Variants in ZNF385B observed in about 807,000 individuals in gnomAD.
ZNF385B encodes the protein zinc finger protein 385B.
A neutral mutation model predicts 39.2 loss-of-function variants in ZNF385B; 23 were observed. That is an observed-to-expected ratio of 0.59 (90% CI 0.42 to 0.83). ZNF385B has a LOEUF of 0.83. Ranked by LOEUF, ZNF385B falls within the 40% of genes least tolerant of loss-of-function variation. ZNF385B has a pLI of 0.00. For missense variants in ZNF385B, 552 were observed against 598.9 expected, an observed-to-expected ratio of 0.92 and a Z score of 0.82; for synonymous variants, 205 against 222.6, an observed-to-expected ratio of 0.92 and a Z score of 0.70.
intron 3 of ZNF385B, among the ~76,000 whole-genome samples, chr2:179,638,504 C>G (rs1356252040): frequency 6.6e-6 from 1 of 151,994 alleles, no homozygotes; most frequent in African/African-American, 2.4e-5. Context: ...TGTGGTGTAC[C>G]AGGATTCTTA....
intron 5 of ZNF385B, among the ~76,000 whole-genome samples, chr2:179,511,374 T>C (rs1040395115): frequency 6.6e-6 from 1 of 152,162 alleles, no homozygotes; most frequent in Admixed American, 6.5e-5. Flanking sequence ...AAATATGAGT[T>C]GGTATTGTAT....
At chr2:179,834,785 A>G (rs958279040) in intron 1 of ZNF385B, among the ~76,000 whole-genome samples, 7 of 152,338 alleles carry the variant, frequency 4.6e-5, no homozygotes, top group African/African-American at 1.7e-4. Context: ...ACCTTTACCA[A>G]ATAATCAAGT....
intron 6 of ZNF385B, among the ~76,000 whole-genome samples, chr2:179,479,838 C>CA (rs990450311): frequency 1.3e-5 from 2 of 151,850 alleles, no homozygotes; most frequent in Admixed American, 6.6e-5. Context: ...GACTCTGTCT[C>CA]AAAAAAATAA....
At chr2:179,629,767 G>C (rs1691021534) in intron 3 of ZNF385B, among the ~76,000 whole-genome samples, 1 of 152,186 alleles carries the variant, frequency 6.6e-6, no homozygotes, top group African/African-American at 2.4e-5. Flanking sequence ...TCCTAGCCAA[G>C]GGAAGCCGTC....
intron 5 of ZNF385B, among the ~76,000 whole-genome samples, chr2:179,510,949 A>G (rs1157816263): frequency 6.6e-6 from 1 of 152,244 alleles, no homozygotes; most frequent in African/African-American, 2.4e-5. Flanking sequence ...AGAATGTTAC[A>G]TAATGACAAA....
chr2:179,456,800 C>A (rs2050753454), intron 6 of ZNF385B, among the ~76,000 whole-genome samples: 1 of 152,148 alleles, frequency 6.6e-6, no homozygotes, highest in Non-Finnish European at 1.5e-5. Context: ...TGAGCACTCA[C>A]TATAGACCAA....
At chr2:179,538,129 G>A (rs967401395) in intron 4 of ZNF385B, among the ~76,000 whole-genome samples, 4 of 152,026 alleles carry the variant, frequency 2.6e-5, no homozygotes, top group African/African-American at 9.7e-5. Flanking sequence ...AAATGTGTCA[G>A]TTCAAGCAGA....
chr2:179,681,325 G>T (rs1425051189), intron 3 of ZNF385B, among the ~76,000 whole-genome samples: 1 of 151,918 alleles, frequency 6.6e-6, no homozygotes, highest in African/African-American at 2.4e-5. Context: ...TTCTGTTTTG[G>T]ACGCTCTTTT....
chr2:179,590,877 G>A (rs1290210768), intron 3 of ZNF385B, among the ~76,000 whole-genome samples: 1 of 152,092 alleles, frequency 6.6e-6, no homozygotes, highest in Non-Finnish European at 1.5e-5. Context: ...CCACCATGTG[G>A]AACTGAGTCA....
chr2:179,710,462 C>T (rs1485292717), intron 3 of ZNF385B, among the ~76,000 whole-genome samples: 3 of 152,156 alleles, frequency 2.0e-5, no homozygotes, highest in Admixed American at 6.5e-5. Context: ...TCCTACTCCC[C>T]GTCGTACGAT....
chr2:179,748,213 C>T (rs542657281), intron 3 of ZNF385B, among the ~76,000 whole-genome samples: 15 of 151,706 alleles, frequency 9.9e-5, no homozygotes, highest in Middle Eastern at 3.2e-3. Context: ...CAATAATGCA[C>T]GATGACAAAA....
At position 179,531,232 on chromosome 2, in the gene ZNF385B, G is replaced by A. The variant is rs894044700; in HGVS notation, c.442-12594C>T. ...AGCAAGTAATAATATAAGATGTCCAGTTAAAGTGGAATTTTAGGGGTAAAC... is the reference window on the plus strand; with the variant it reads ...AGCAAGTAATAATATAAGATGTCCAATTAAAGTGGAATTTTAGGGGTAAAC... On this transcript the variant is annotated intron_variant, in intron 4 of 9. Transcript: ENST00000410066. 2.0e-5 allele frequency among the ~76,000 whole-genome samples: 3 copies of A among 152,188 alleles called. No homozygotes were observed. The South Asian group carries it at 6.2e-4, about 31-fold the overall frequency.
chr2:179,545,290 A>G (rs1035401296), intron 3 of ZNF385B, among the ~76,000 whole-genome samples: 9 of 152,102 alleles, frequency 5.9e-5, no homozygotes, highest in African/African-American at 2.2e-4. Flanking sequence ...TTTGCCTCTG[A>G]CTCGCCAAAA....
chr2:179,691,420 C>T (rs1256423066), intron 3 of ZNF385B, among the ~76,000 whole-genome samples: 1 of 152,122 alleles, frequency 6.6e-6, no homozygotes, highest in Non-Finnish European at 1.5e-5. Flanking sequence ...GTTAAGCATC[C>T]TGCATGCCAC....
intron 5 of ZNF385B, among the ~76,000 whole-genome samples, chr2:179,502,758 G>C (rs1275415829): frequency 1.3e-5 from 2 of 152,048 alleles, no homozygotes; most frequent in African/African-American, 4.8e-5. Flanking sequence ...CCAAATCCAG[G>C]GAGTGTCTTC....
At chr2:179,721,920 C>G (rs1466826432) in intron 3 of ZNF385B, among the ~76,000 whole-genome samples, 1 of 151,648 alleles carries the variant, frequency 6.6e-6, no homozygotes, top group Non-Finnish European at 1.5e-5. Flanking sequence ...GAAGATGAAA[C>G]AAAGACACTT....
chr2:179,647,251 G>A (rs1156551398), intron 3 of ZNF385B, among the ~76,000 whole-genome samples: 6 of 151,732 alleles, frequency 4.0e-5, no homozygotes, highest in African/African-American at 1.5e-4. Flanking sequence ...CAAATTCCCT[G>A]AGCCCTGAAG....
chr2:179,803,848 T>C (rs1032013904), intron 1 of ZNF385B, among the ~76,000 whole-genome samples: 2 of 152,148 alleles, frequency 1.3e-5, no homozygotes, highest in African/African-American at 4.8e-5. Context: ...CTTTCGATTA[T>C]AAGAGTAAAA....
chr2:179,854,846 T>C (rs950654081), intron 1 of ZNF385B, among the ~76,000 whole-genome samples: 3 of 152,182 alleles, frequency 2.0e-5, no homozygotes, highest in Non-Finnish European at 4.4e-5. Context: ...ACACATCACA[T>C]CACAGTATGG....
Sources: gnomAD v4.1 joint callset for allele counts (sites outside exome capture counted in the v4.1 genomes callset) on GRCh38, gnomAD v4.1.1 for gene constraint, MANE v1.5 for transcripts, NCBI Gene and HGNC (gene_info 2026-07-23, HGNC 2026-07-21) for gene names.